Variants in CNTNAP2 observed in about 807,000 individuals in gnomAD.
CNTNAP2 encodes contactin-associated protein-like 2.
CNTNAP2 carries 98 observed loss-of-function variants against 155.2 expected under a neutral mutation model. The ratio of observed to expected loss-of-function variants is 0.63; its 90% confidence interval spans 0.54 to 0.75. The LOEUF (loss-of-function observed/expected upper bound fraction) is 0.75. CNTNAP2 is among the 30% of genes least tolerant of loss of function. CNTNAP2 has a pLI of 0.00. For synonymous variants in CNTNAP2, 651 were observed against 631.2 expected, an observed-to-expected ratio of 1.03 and a Z score of -0.47; for missense variants, 1,727 against 1,688.1, an observed-to-expected ratio of 1.02 and a Z score of -0.40.
At chr7:147,505,739 C>A (rs1269517209) in intron 11 of CNTNAP2, among the ~76,000 whole-genome samples, 1 of 152,220 alleles carries the variant, frequency 6.6e-6, no homozygotes, top group Admixed American at 6.5e-5. Flanking sequence ...AAGTATTTCA[C>A]AACCTGTAGA....
chr7:146,942,093 T>C (rs949775700), intron 3 of CNTNAP2, among the ~76,000 whole-genome samples: 1 of 152,152 alleles, frequency 6.6e-6, no homozygotes, highest in African/African-American at 2.4e-5. Flanking sequence ...TTCTATTCTT[T>C]TAATATTTCT....
chr7:148,406,331 G>A (rs1302430717), intron 22 of CNTNAP2, among the ~76,000 whole-genome samples: 1 of 152,164 alleles, frequency 6.6e-6, no homozygotes, highest in African/African-American at 2.4e-5. Flanking sequence ...AAAGGAGACA[G>A]GAAATATCAC....
intron 1 of CNTNAP2, among the ~76,000 whole-genome samples, chr7:146,702,238 T>A (rs1298485804): frequency 6.6e-6 from 1 of 152,078 alleles, no homozygotes; most frequent in African/African-American, 2.4e-5. Flanking sequence ...TTAGAAAAAA[T>A]TAAGTAGTTT....
chr7:147,396,037 T>C (rs778452832), intron 10 of CNTNAP2, among the ~76,000 whole-genome samples: 45 of 148,244 alleles, frequency 3.0e-4, no homozygotes, highest in Non-Finnish European at 6.3e-4. Context: ...AGATATATCC[T>C]ATATGTGCTA....
chr7:147,776,260 G>T (rs1249934198), intron 13 of CNTNAP2, among the ~76,000 whole-genome samples: 2 of 145,856 alleles, frequency 1.4e-5, no homozygotes, highest in Admixed American at 1.4e-4. Flanking sequence ...AAGTGCAATG[G>T]CTGGGTTTTT....
intron 13 of CNTNAP2, among the ~76,000 whole-genome samples, chr7:147,788,736 G>C (rs1279766461): frequency 6.6e-6 from 1 of 151,758 alleles, no homozygotes; most frequent in Non-Finnish European, 1.5e-5. Flanking sequence ...GGCCTGACCT[G>C]CCTCCAACCC....
At chr7:147,558,829 G>A (rs186327343) in intron 11 of CNTNAP2, among the ~76,000 whole-genome samples, 1 of 151,650 alleles carries the variant, frequency 6.6e-6, no homozygotes, top group African/African-American at 2.4e-5. Flanking sequence ...TGCATCCTTC[G>A]CCTCCTGGGT....
intron 1 of CNTNAP2, among the ~76,000 whole-genome samples, chr7:146,222,965 A>T (rs963081601): frequency 2.0e-5 from 3 of 152,018 alleles, no homozygotes; most frequent in Admixed American, 1.3e-4. Flanking sequence ...GGCCAGGAAA[A>T]GGTAAATTTT....
At chr7:147,628,749 C>T (rs1795032067) in intron 12 of CNTNAP2, among the ~76,000 whole-genome samples, 1 of 151,306 alleles carries the variant, frequency 6.6e-6, no homozygotes, top group Non-Finnish European at 1.5e-5. Context: ...CACATAAGGA[C>T]TCACATAAAC....
At chr7:147,276,527 T>C (rs1804900477) in intron 8 of CNTNAP2, among the ~76,000 whole-genome samples, 1 of 152,056 alleles carries the variant, frequency 6.6e-6, no homozygotes, top group African/African-American at 2.4e-5. Context: ...ACAGATACCA[T>C]AGCTTGTAAA....
At chr7:147,877,250 C>A (rs1255613081) in intron 13 of CNTNAP2, among the ~76,000 whole-genome samples, 2 of 152,080 alleles carry the variant, frequency 1.3e-5, no homozygotes, top group Non-Finnish European at 2.9e-5. Flanking sequence ...CTGGCTGGTA[C>A]CTGCAAACTG....
chr7:146,127,788 C>T (rs1360085138), intron 1 of CNTNAP2, among the ~76,000 whole-genome samples: 1 of 152,120 alleles, frequency 6.6e-6, no homozygotes, highest in African/African-American at 2.4e-5. Context: ...TAAGATGTCA[C>T]CAAATCTTCT....
At chr7:147,187,931 C>A (rs1243384556) in intron 8 of CNTNAP2, among the ~76,000 whole-genome samples, 1 of 152,014 alleles carries the variant, frequency 6.6e-6, no homozygotes, top group Admixed American at 6.6e-5. Flanking sequence ...TATGGTGGTG[C>A]ACACCTGTGG....
intron 1 of CNTNAP2, among the ~76,000 whole-genome samples, chr7:146,187,110 T>G (rs1473259504): frequency 6.6e-6 from 1 of 152,208 alleles, no homozygotes; most frequent in Non-Finnish European, 1.5e-5. Context: ...GTCAGGTCAC[T>G]AGTATTGTTG....
chr7:147,590,760 G>A (rs1334710399), intron 12 of CNTNAP2, among the ~76,000 whole-genome samples: 1 of 152,206 alleles, frequency 6.6e-6, no homozygotes, highest in Non-Finnish European at 1.5e-5. Context: ...GGCAGATTCA[G>A]AGAAGTAGAT....
intron 14 of CNTNAP2, among the ~76,000 whole-genome samples, chr7:147,946,419 G>T (rs1170061903): frequency 1.3e-5 from 2 of 152,008 alleles, no homozygotes; most frequent in Non-Finnish European, 2.9e-5. Flanking sequence ...TAAATACCAA[G>T]ATATTCCCCC....
chr7:146,157,095 T>A (rs13309079), intron 1 of CNTNAP2, among the ~76,000 whole-genome samples: 1 of 152,044 alleles, frequency 6.6e-6, no homozygotes, highest in Non-Finnish European at 1.5e-5. Context: ...TTCCTCAATC[T>A]AACTTAGGTT....
In CNTNAP2 at chr7:147,909,505, A is replaced by G. The variant is rs138287908; in HGVS notation, c.2255+5784A>G. ...GCAATGGCCTGTGAGTACGATCACC[A>G]TTTCAATAATTGCCTGATTATCTAT... On this transcript the variant is annotated intron_variant, in intron 14 of 23. Coordinates refer to ENST00000361727, the MANE Select transcript of CNTNAP2 (RefSeq NM_014141.6). Among the ~76,000 whole-genome samples, 1,272 of 152,288 alleles carry G rather than the reference A, an allele frequency of 8.4e-3. 8 individuals are homozygous for G. Among genetic ancestry groups the G allele is most frequent in the Non-Finnish European group, 0.015 (1,013 of 68,032 alleles).
intron 13 of CNTNAP2, among the ~76,000 whole-genome samples, chr7:147,792,518 A>T (rs892585840): frequency 6.6e-6 from 1 of 151,760 alleles, no homozygotes; most frequent in East Asian, 1.9e-4. Flanking sequence ...GTGTGTGTAT[A>T]TATATATATC....
Sources: allele counts gnomAD v4.1 joint callset (sites outside exome capture counted in the v4.1 genomes callset), GRCh38; gene constraint gnomAD v4.1.1; transcripts MANE v1.5; gene names NCBI Gene and HGNC (gene_info 2026-07-23, HGNC 2026-07-21).